DIP2C: variants seen among roughly 807,000 people sequenced by gnomAD.
DIP2C encodes disco-interacting protein 2 homolog C.
A neutral mutation model predicts 192.4 loss-of-function variants in DIP2C; 33 were observed. The observed-to-expected ratio is 0.17, with a 90% CI of 0.13 to 0.23. The LOEUF (loss-of-function observed/expected upper bound fraction) is 0.23. DIP2C is among the 10% of genes least tolerant of loss of function. The probability of loss-of-function intolerance (pLI) is 1.00; values close to 1 mark genes in which losing one functional copy is unlikely to be tolerated. For missense variants in DIP2C, 1,537 were observed against 2,110.1 expected (o/e 0.73, Z 5.32); for synonymous variants, 979 against 864.1 (o/e 1.13, Z -2.33).
chr10:337,560 G>T (rs1564576163), intron 29 of DIP2C, among the ~76,000 whole-genome samples: 3 of 148,528 alleles, frequency 2.0e-5, no homozygotes, highest in Non-Finnish European at 3.0e-5. Flanking sequence ...AGCTGTGTGT[G>T]TGCTGTGGAG....
intron 17 of DIP2C, among the ~76,000 whole-genome samples, chr10:378,647 A>ACACACATGAACAGATATGCCTAGG (rs1455700793): frequency 2.0e-4 from 13 of 64,746 alleles, no homozygotes; most frequent in Non-Finnish European, 6.8e-5. Flanking sequence ...ATGCATAAAG[A>ACACACATGAACAGATATGCCTAGG]CACACATGAA....
chr10:335,226 C>T, intron 29 of DIP2C, among the ~76,000 whole-genome samples: 1 of 152,172 alleles, frequency 6.6e-6, no homozygotes, highest in East Asian at 1.9e-4. Context: ...ACTTAACTTT[C>T]AAACAATCAC....
At chr10:654,416 C>T (rs1342624290) in intron 1 of DIP2C, among the ~76,000 whole-genome samples, 1 of 152,160 alleles carries the variant, frequency 6.6e-6, no homozygotes, top group African/African-American at 2.4e-5. Flanking sequence ...AAATGAAACC[C>T]AGCCTTTGAA....
At chr10:478,495 C>G (rs574787005) in intron 2 of DIP2C, among the ~76,000 whole-genome samples, 48 of 151,540 alleles carry the variant, frequency 3.2e-4, no homozygotes, top group African/African-American at 1.0e-3. Flanking sequence ...CAGATGCACC[C>G]AAATTCCCAT....
intron 1 of DIP2C, among the ~76,000 whole-genome samples, chr10:488,673 T>TG (rs1277985933): frequency 6.6e-6 from 1 of 152,206 alleles, no homozygotes; most frequent in Non-Finnish European, 1.5e-5. Flanking sequence ...CTCTACTTCC[T>TG]GCTTTGCCCT....
chr10:650,461 GT>G, intron 1 of DIP2C: 1 of 706,892 alleles, frequency 1.4e-6, no homozygotes, highest in Non-Finnish European at 2.6e-6. Context: ...CCCGGTTATC[GT>G]TCCTAAGAGA....
chr10:554,810 G>A (rs1848756544), intron 1 of DIP2C, among the ~76,000 whole-genome samples: 1 of 152,220 alleles, frequency 6.6e-6, no homozygotes, highest in South Asian at 2.1e-4. Context: ...AAACTTCCAG[G>A]TGCTCCTGAA....
chr10:464,813 T>C (rs1970077315), intron 3 of DIP2C, among the ~76,000 whole-genome samples: 1 of 152,072 alleles, frequency 6.6e-6, no homozygotes, highest in South Asian at 2.1e-4. Context: ...CCTCGACACA[T>C]ACTCTCTCCC....
intron 2 of DIP2C, among the ~76,000 whole-genome samples, chr10:479,611 G>A (rs1228112532): frequency 6.6e-6 from 1 of 152,060 alleles, no homozygotes; most frequent in Non-Finnish European, 1.5e-5. Context: ...TGGAATTATA[G>A]GCATGAGCCA....
In DIP2C at chr10:411,687, C is replaced by T. The variant is rs1211928744; in HGVS notation, c.1057+2226G>A. On this transcript the variant is annotated intron_variant, in intron 8 of 36. Coordinates refer to ENST00000280886, the MANE Select transcript of DIP2C (RefSeq NM_014974.3). Reference sequence around the variant, plus strand: ...ACTCAGTATTTGAACAATTCTCATTCGATACCAAATTACTCAGTATTAGAA... The same window carrying T: ...ACTCAGTATTTGAACAATTCTCATTTGATACCAAATTACTCAGTATTAGAA... Among the ~76,000 whole-genome samples the T allele has an allele frequency of 2.0e-5, 3 of 151,824 alleles. 1 individual carries two copies. Among genetic ancestry groups the T allele is most frequent in the African/African-American group, 4.8e-5 (2 of 41,278 alleles).
At chr10:632,108 T>C (rs910759689) in intron 1 of DIP2C, among the ~76,000 whole-genome samples, 4 of 152,228 alleles carry the variant, frequency 2.6e-5, no homozygotes, top group Admixed American at 6.5e-5. Flanking sequence ...AAAGAGACCA[T>C]GTGATTCTAT....
At chr10:380,295 A>G (rs58144253) in intron 17 of DIP2C, among the ~76,000 whole-genome samples, 17 of 106,554 alleles carry the variant, frequency 1.6e-4, no homozygotes, top group East Asian at 3.3e-4. Context: ...GATGGTTAAC[A>G]CGCAGAAGAG....
At chr10:418,266 GGC>G (rs1273118931) in intron 6 of DIP2C, among the ~76,000 whole-genome samples, 3 of 139,808 alleles carry the variant, frequency 2.1e-5, no homozygotes, top group African/African-American at 8.0e-5. Flanking sequence ...GCACCTGTCA[GGC>G]CTCAGATAGG....
At chr10:607,747 G>A (rs1197940763) in intron 1 of DIP2C, among the ~76,000 whole-genome samples, 2 of 152,050 alleles carry the variant, frequency 1.3e-5, no homozygotes, top group Non-Finnish European at 2.9e-5. Flanking sequence ...TCTGTATTGC[G>A]GCTTCTGTCT....
At chr10:486,588 C>G (rs1352718643) in intron 1 of DIP2C, 58 bp from the exon 2 acceptor site, 1 of 1,418,098 alleles carries the variant, frequency 7.1e-7, no homozygotes, top group East Asian at 2.5e-5. Flanking sequence ...CATTATCATT[C>G]AACGGTGCCC....
chr10:371,114 G>GA (rs1960898833), intron 17 of DIP2C, among the ~76,000 whole-genome samples: 1 of 151,946 alleles, frequency 6.6e-6, no homozygotes, highest in African/African-American at 2.4e-5. Flanking sequence ...ACTTCAAAAT[G>GA]AAAACACAGG....
intron 17 of DIP2C, chr10:369,963 GCT>G (rs1313953131): frequency 1.1e-5 from 11 of 985,234 alleles, no homozygotes; most frequent in Non-Finnish European, 1.3e-5. Flanking sequence ...GCACAGACCA[GCT>G]CTCTCTTTCC....
At chr10:495,864 G>T (rs1400015671) in intron 1 of DIP2C, among the ~76,000 whole-genome samples, 2 of 150,270 alleles carry the variant, frequency 1.3e-5, no homozygotes, top group Admixed American at 1.3e-4. Context: ...CAGAACCCAT[G>T]GTGCCCTCCC....
At chr10:364,633 TA>T in intron 19 of DIP2C, 51 bp from the exon 20 acceptor site, 1 of 1,581,022 alleles carries the variant, frequency 6.3e-7, no homozygotes, top group Non-Finnish European at 8.7e-7. Context: ...CAGCTGGTTT[TA>T]ATCCTCGCCG....
Sources: allele counts gnomAD v4.1 joint callset (sites outside exome capture counted in the v4.1 genomes callset), GRCh38; gene constraint gnomAD v4.1.1; transcripts MANE v1.5; gene names NCBI Gene and HGNC (gene_info 2026-07-23, HGNC 2026-07-21).